HIP1: variants seen among roughly 807,000 people sequenced by gnomAD.
The protein encoded by HIP1 is huntingtin interacting protein 1.
HIP1 carries 65 observed loss-of-function variants against 147.6 expected under a neutral mutation model. That is an observed-to-expected ratio of 0.44 (90% CI 0.36 to 0.54). The LOEUF is 0.54. HIP1 is among the 20% of genes least tolerant of loss of function. HIP1 has a pLI of 0.00. For missense variants in HIP1, 1,061 were observed against 1,299.6 expected (o/e 0.82, Z 2.82); for synonymous variants, 479 against 504.0 (o/e 0.95, Z 0.67).
chr7:75,712,700 A>AT (rs1157159280), intron 1 of HIP1, among the ~76,000 whole-genome samples: 3 of 152,006 alleles, frequency 2.0e-5, no homozygotes, highest in Non-Finnish European at 2.9e-5. Context: ...TCATTCACTC[A>AT]TTTACTCACT....
intron 4 of HIP1, 39 bp from the exon 5 acceptor site, chr7:75,586,872 AAC>A: frequency 8.0e-7 from 1 of 1,246,104 alleles, no homozygotes; most frequent in Non-Finnish European, 1.2e-6. Flanking sequence ...CAACAACAAG[AAC>A]ATAACAGTCA....
chr7:75,549,126 GGGGTTGTGGGGGGGTCTTTT>G, intron 22 of HIP1, 125 bp from the exon 23 acceptor site: 1 of 622,682 alleles, frequency 1.6e-6, no homozygotes, highest in Non-Finnish European at 2.9e-6. Flanking sequence ...GCAAGCCACA[GGGGTTGTGGGGGGGTCTTTT>G]GCAGACCCCA....
chr7:75,664,028 GTA>G (rs66807905), intron 1 of HIP1, among the ~76,000 whole-genome samples: 870 of 8,892 alleles, frequency 0.098, 78 homozygotes, highest in Non-Finnish European at 0.11. Flanking sequence ...ACATATATGT[GTA>G]TATATATACA....
At chr7:75,629,801 C>T (rs960471604) in intron 1 of HIP1, among the ~76,000 whole-genome samples, 3 of 152,128 alleles carry the variant, frequency 2.0e-5, no homozygotes, top group Non-Finnish European at 4.4e-5. Context: ...CTCGGCCTCC[C>T]AAATTGCTGG....
At chr7:75,559,572 C>T (rs782739132) in intron 14 of HIP1, among the ~76,000 whole-genome samples, 160 bp downstream of exon 14, 8 of 152,188 alleles carry the variant, frequency 5.3e-5, no homozygotes, top group Non-Finnish European at 7.3e-5. Flanking sequence ...GACTCAAACC[C>T]GCCCTCTGGA....
In HIP1 at chr7:75,724,907, A is replaced by G. The variant is rs1461111950; in HGVS notation, c.120+13894T>C. Among the ~76,000 whole-genome samples, 3 of 152,316 alleles carry G rather than the reference A, an allele frequency of 2.0e-5. No individual in the cohort carries two copies. In the East Asian group the frequency reaches 5.8e-4, roughly 29 times the overall value. On this transcript the variant is annotated intron_variant, in intron 1 of 30. Coordinates refer to ENST00000336926, the MANE Select transcript of HIP1 (RefSeq NM_005338.7). ...AAACGCTCCCCAATTCTAGGGCAGC[A>G]TTGGGAATGCTTCCGAGGGGAGGCA...
chr7:75,545,110 C>A lies in HIP1; in HGVS notation c.2638G>T (p.Gly880Cys). 1 of 1,608,160 alleles carries A rather than the reference C, an allele frequency of 6.2e-7. No individual in the cohort carries two copies. The highest frequency in any genetic ancestry group is 8.5e-7 in the Non-Finnish European group (1 of 1,177,136). ...TACACCATGACAGTGGCTCCCCAGCCCACAGCCTTGGAGGCTGAGATAAGT... is the reference window on the plus strand; with the variant it reads ...TACACCATGACAGTGGCTCCCCAGCACACAGCCTTGGAGGCTGAGATAAGT... ...EGLISASKAV[G>C]WGATVMVDAA... Residue 880 changes from glycine (G) to cysteine (C), a missense_variant, in exon 26 of 31, where the codon GGC becomes TGC. Gly to Cys is a radical substitution (Grantham distance 159). This residue lies in a region of HIP1 where 810 missense variants were observed against 946.8 expected (regional missense o/e 0.86). Transcript: ENST00000336926.
At chr7:75,582,674 G>A (rs587607610) in intron 5 of HIP1, among the ~76,000 whole-genome samples, 11 of 152,256 alleles carry the variant, frequency 7.2e-5, no homozygotes, top group African/African-American at 2.4e-4. Flanking sequence ...GCCGGGTGTG[G>A]TGGTGCACGC....
At chr7:75,579,546 C>T (rs1795963940) in intron 7 of HIP1, among the ~76,000 whole-genome samples, 1 of 152,140 alleles carries the variant, frequency 6.6e-6, no homozygotes, top group African/African-American at 2.4e-5. Flanking sequence ...CCCCCCTTGG[C>T]CTTCCAAAGT....
chr7:75,720,022 A>G (rs1554521054), intron 1 of HIP1, among the ~76,000 whole-genome samples: 1 of 152,176 alleles, frequency 6.6e-6, no homozygotes, highest in Non-Finnish European at 1.5e-5. Context: ...AACTCCAGGA[A>G]CTGGGAAAAT....
chr7:75,665,311 A>G (rs559353347), intron 1 of HIP1, among the ~76,000 whole-genome samples: 19 of 152,244 alleles, frequency 1.2e-4, no homozygotes, highest in African/African-American at 4.6e-4. Context: ...GGCTGCAGGA[A>G]GCAGAGGGCA....
In HIP1 at chr7:75,545,084, T is replaced by A. The variant is rs1554490730; in HGVS notation, c.2660+4A>T. On this transcript the variant is annotated splice_donor_region_variant and intron_variant, in intron 26 of 30. Transcript: ENST00000336926. Reference sequence around the variant, plus strand: ...GAGGACCCTTGGTACCAATAGATACTTACACCATGACAGTGGCTCCCCAGC... The same window carrying A: ...GAGGACCCTTGGTACCAATAGATACATACACCATGACAGTGGCTCCCCAGC... 1.3e-6 allele frequency: 2 copies of A among 1,566,646 alleles called. No homozygotes were observed. The highest frequency in any genetic ancestry group is 2.2e-5 in the South Asian group (2 of 89,028).
At chr7:75,570,603 T>C (rs2116877004) in intron 8 of HIP1, among the ~76,000 whole-genome samples, 1 of 152,126 alleles carries the variant, frequency 6.6e-6, no homozygotes. Context: ...TTGTGGCAAA[T>C]GTTTCATACT....
Position 75,543,759 on chromosome 7 carries a change from G to A in HIP1, c.2767-785C>T, listed in dbSNP as rs587759837. 2.6e-5 allele frequency among the ~76,000 whole-genome samples: 4 copies of A among 152,260 alleles called. No individual in the cohort carries two copies. The South Asian group carries it at 6.2e-4, about 24-fold the overall frequency. On this transcript the variant is annotated intron_variant, in intron 27 of 30. Transcript: ENST00000336926. ...TTCTTGAATGCCAGGACTGCTAATC[G>A]GAAGTTGGCATTGCTGGGACTCTCT... is the stretch of plus-strand genomic sequence containing the variant.
chr7:75,640,574 A>G (rs1798617821), intron 1 of HIP1, among the ~76,000 whole-genome samples: 1 of 151,988 alleles, frequency 6.6e-6, no homozygotes, highest in South Asian at 2.1e-4. Flanking sequence ...CAAAATGACG[A>G]AACTCCCGTC....
chr7:75,583,756 T>TTGTGTGTGTG (rs60640180), intron 5 of HIP1, among the ~76,000 whole-genome samples: 5,426 of 115,412 alleles, frequency 0.047, 200 homozygotes, highest in African/African-American at 0.058. Context: ...GCGGGCTAAT[T>TTGTGTGTGTG]TGTGTGTGTG....
chr7:75,594,818 G>A (rs1330842237), intron 2 of HIP1, among the ~76,000 whole-genome samples: 1 of 152,116 alleles, frequency 6.6e-6, no homozygotes, highest in Non-Finnish European at 1.5e-5. Flanking sequence ...TTTTAAGTTC[G>A]GCTATTCCAG....
At chr7:75,733,192 G>A (rs1801894188) in intron 1 of HIP1, among the ~76,000 whole-genome samples, 1 of 152,112 alleles carries the variant, frequency 6.6e-6, no homozygotes, top group Non-Finnish European at 1.5e-5. Context: ...CCTGACACTT[G>A]GAACCTGGAG....
chr7:75,726,470 A>G (rs1438817112), intron 1 of HIP1, among the ~76,000 whole-genome samples: 2 of 151,934 alleles, frequency 1.3e-5, no homozygotes, highest in Non-Finnish European at 2.9e-5. Flanking sequence ...TTCTTAATAG[A>G]GACAAGGTTT....
Sources: gnomAD v4.1 joint callset for allele counts (sites outside exome capture counted in the v4.1 genomes callset) on GRCh38, gnomAD v4.1.1 for gene constraint, gnomAD v4.1.1 regional missense constraint, MANE v1.5 for transcripts, NCBI Gene and HGNC (gene_info 2026-07-23, HGNC 2026-07-21) for gene names.